Variants in IFT80 observed in about 807,000 individuals in gnomAD.
IFT80 encodes intraflagellar transport protein 80 homolog.
Under a neutral mutation model 107.9 loss-of-function variants are expected in IFT80, and 79 were observed. The ratio of observed to expected loss-of-function variants is 0.73; its 90% CI spans 0.61 to 0.88. The LOEUF is 0.88. IFT80 is among the 40% of genes least tolerant of loss of function. IFT80 has a pLI of 0.00. For synonymous variants in IFT80, 299 were observed against 300.9 expected (o/e 0.99, Z 0.07); for missense variants, 797 against 914.2 (o/e 0.87, Z 1.65).
At chr3:160,357,266 AT>A (rs547075339) in intron 7 of IFT80, among the ~76,000 whole-genome samples, 3 of 151,340 alleles carry the variant, frequency 2.0e-5, no homozygotes, top group Admixed American at 6.6e-5. Flanking sequence ...CAACTGGCTA[AT>A]TTTTTTTTGT....
At chr3:160,398,494 A>C (rs574469683) in intron 1 of IFT80, among the ~76,000 whole-genome samples, 21 of 152,358 alleles carry the variant, frequency 1.4e-4, no homozygotes, top group African/African-American at 5.1e-4. Flanking sequence ...TGGCTCTTTA[A>C]CAATATAGGG....
At chr3:160,317,986 TTATATAA>T (rs1385517794) in intron 9 of IFT80, among the ~76,000 whole-genome samples, 1 of 151,382 alleles carries the variant, frequency 6.6e-6, no homozygotes, top group African/African-American at 2.4e-5. Context: ...ATTATTATTA[TTATATAA>T]TATGATAATG....
chr3:160,376,297 T>C (rs1460336207), intron 4 of IFT80, among the ~76,000 whole-genome samples: 2 of 152,168 alleles, frequency 1.3e-5, no homozygotes, highest in Admixed American at 6.5e-5. Context: ...AGTGAGGTAA[T>C]AGACTACTCT....
At chr3:160,330,445 A>C (rs1463615547) in intron 8 of IFT80, among the ~76,000 whole-genome samples, 1 of 152,200 alleles carries the variant, frequency 6.6e-6, no homozygotes, top group Non-Finnish European at 1.5e-5. Flanking sequence ...AGGTATGTGA[A>C]TATCTGGCTT....
At chr3:160,382,684 T>C (rs1010573387) in intron 2 of IFT80, among the ~76,000 whole-genome samples, 1 of 152,338 alleles carries the variant, frequency 6.6e-6, no homozygotes, top group South Asian at 2.1e-4. Context: ...TTTGTTCTTA[T>C]TGTTATGATA....
intron 5 of IFT80, among the ~76,000 whole-genome samples, chr3:160,367,829 G>A (rs556740254): frequency 9.9e-5 from 15 of 151,878 alleles, no homozygotes; most frequent in Non-Finnish European, 2.1e-4. Flanking sequence ...CTTTATGTAA[G>A]CCTAGTTTTA....
chr3:160,389,148 G>A (rs1278071228), intron 1 of IFT80, among the ~76,000 whole-genome samples: 2 of 152,098 alleles, frequency 1.3e-5, no homozygotes, highest in Non-Finnish European at 2.9e-5. Context: ...GCTGAGATAA[G>A]CCATTATGAG....
At chr3:160,325,512 T>C (rs1718617006) in intron 8 of IFT80, among the ~76,000 whole-genome samples, 1 of 152,028 alleles carries the variant, frequency 6.6e-6, no homozygotes, top group Non-Finnish European at 1.5e-5. Flanking sequence ...TCCTTTACAG[T>C]CCACATGAAC....
rs547237502 is a variant in IFT80 at position 160,361,443 on chromosome 3, T to C, written c.550-3865A>G. On this transcript the variant is annotated intron_variant, in intron 6 of 19. Transcript: ENST00000326448. Reference sequence around the variant, plus strand: ...ATAATAATGGGAGACTTTAACACCCTACTGTCAATATTAGACAGATCAACA... The same window carrying C: ...ATAATAATGGGAGACTTTAACACCCCACTGTCAATATTAGACAGATCAACA... Among the ~76,000 whole-genome samples the C allele has an allele frequency of 2.0e-5, 3 of 152,094 alleles. No individual in the cohort carries two copies. The South Asian group carries it at 6.2e-4, about 32-fold the overall frequency.
chr3:160,269,222 CAA>C (rs10539287), intron 18 of IFT80, among the ~76,000 whole-genome samples: 15,124 of 104,796 alleles, frequency 0.14, 1,418 homozygotes, highest in African/African-American at 0.31. Context: ...GAGCGAGACT[CAA>C]AAAAAAAAAA....
Position 160,268,469 on chromosome 3 carries a change from A to G in IFT80, c.2167T>C (p.Leu723=), listed in dbSNP as rs1469510453. ...DTVLAYRQKF[L]ETFGKQETNK... is the part of the protein sequence containing the mutation. ...GTTTCCTGTTTACCAAATGTCTCCA[A>G]AAACTTTTGACGGTAAGCAAGAACT... is the stretch of plus-strand genomic sequence containing the variant. The change falls in exon 19 of 20, where the codon TTG becomes CTG. Residue 723 remains leucine, a synonymous_variant. Transcript: ENST00000326448. The G allele has an allele frequency of 1.2e-6, 2 of 1,613,426 alleles. No homozygotes were observed. Among genetic ancestry groups the G allele is most frequent in the Non-Finnish European group, 1.7e-6 (2 of 1,179,482 alleles).
At chr3:160,308,841 T>C (rs1226615692) in intron 9 of IFT80, among the ~76,000 whole-genome samples, 1 of 152,192 alleles carries the variant, frequency 6.6e-6, no homozygotes, top group African/African-American at 2.4e-5. Flanking sequence ...GGTGGAGCCT[T>C]TGGAAGGTTG....
At chr3:160,370,361 G>C (rs757469959) in intron 5 of IFT80, among the ~76,000 whole-genome samples, 8 of 150,826 alleles carry the variant, frequency 5.3e-5, no homozygotes, top group Non-Finnish European at 1.2e-4. Context: ...ATTGTTCATA[G>C]TAGTAGCCAT....
At chr3:160,373,866 A>G (rs1031435108) in intron 5 of IFT80, among the ~76,000 whole-genome samples, 3 of 152,200 alleles carry the variant, frequency 2.0e-5, no homozygotes, top group African/African-American at 7.2e-5. Context: ...AAATACAGAT[A>G]AAGCTTTACT....
intron 6 of IFT80, among the ~76,000 whole-genome samples, chr3:160,363,453 A>C (rs1721642930): frequency 6.6e-6 from 1 of 152,228 alleles, no homozygotes; most frequent in African/African-American, 2.4e-5. Flanking sequence ...AGTAATTTAT[A>C]GATTCAATGC....
Position 160,285,870 on chromosome 3 carries a change from T to C in IFT80, c.1316-2A>G. The C allele has an allele frequency of 6.2e-7, 1 of 1,608,156 alleles. No homozygotes were observed. The highest frequency in any genetic ancestry group is 8.5e-7 in the Non-Finnish European group (1 of 1,175,734). ...TTGATGCCTCAAAGAGGAAGATTACTTGAAAAAAAGTAGAACATTAATTAA... is the reference window on the plus strand; with the variant it reads ...TTGATGCCTCAAAGAGGAAGATTACCTGAAAAAAAGTAGAACATTAATTAA... On this transcript the variant is annotated splice_acceptor_variant, in intron 12 of 19. Coordinates refer to ENST00000326448, the MANE Select transcript of IFT80 (RefSeq NM_020800.3). LOFTEE classifies it high-confidence loss of function.
chr3:160,394,510 C>T (rs374718827), intron 1 of IFT80, among the ~76,000 whole-genome samples: 1 of 152,146 alleles, frequency 6.6e-6, no homozygotes, highest in Non-Finnish European at 1.5e-5. Context: ...TGTATGTGTA[C>T]GCTGTGGTAT....
intron 13 of IFT80, among the ~76,000 whole-genome samples, chr3:160,283,382 A>G (rs1357437489): frequency 2.6e-5 from 4 of 152,240 alleles, no homozygotes; most frequent in African/African-American, 7.2e-5. Context: ...TTCAACCAGA[A>G]TAATGACTAC....
intron 18 of IFT80, among the ~76,000 whole-genome samples, chr3:160,271,927 T>A (rs928482791): frequency 6.8e-6 from 1 of 147,602 alleles, no homozygotes; most frequent in East Asian, 2.0e-4. Flanking sequence ...AACACTACTA[T>A]AATGAAGTCT....
Sources: gnomAD v4.1 joint callset for allele counts (sites outside exome capture counted in the v4.1 genomes callset) on GRCh38, gnomAD v4.1.1 for gene constraint, MANE v1.5 for transcripts, NCBI Gene and HGNC (gene_info 2026-07-23, HGNC 2026-07-21) for gene names.